REXO1: variants seen among roughly 807,000 people sequenced by gnomAD.
The protein encoded by REXO1 is REX1, RNA exonuclease 1 homolog.
REXO1 carries 42 observed loss-of-function variants against 102.6 expected under a neutral mutation model. The ratio of observed to expected loss-of-function variants is 0.41; its 90% CI spans 0.32 to 0.53. The LOEUF is 0.53. REXO1 is among the 20% of genes least tolerant of loss of function. The probability of loss-of-function intolerance (pLI) is 0.27; values close to 1 mark genes in which losing one functional copy is unlikely to be tolerated. For synonymous variants in REXO1, 908 were observed against 779.1 expected, an observed-to-expected ratio of 1.17 and a Z score of -2.76; for missense variants, 1,819 against 1,732.5, an observed-to-expected ratio of 1.05 and a Z score of -0.89.
chr19:1,838,273 C>T lies in REXO1; in HGVS notation c.158-9642G>A, dbSNP rs146843095. 7.1e-3 allele frequency among the ~76,000 whole-genome samples: 1,058 copies of T among 148,232 alleles called. 14 individuals carry two copies. Among genetic ancestry groups the T allele is most frequent in the African/African-American group, 0.025 (979 of 39,910 alleles). On this transcript the variant is annotated intron_variant, in intron 1 of 15. Transcript: ENST00000170168. The stretch of plus-strand genomic sequence containing the variant: ...TGGAGTCTGCAGTGAGCTGAGATGG[C>T]GCCACCGCACTCCAGCCTGGGCAAC...
At position 1,827,060 on chromosome 19, in the gene REXO1, A is replaced by T; in HGVS notation, c.1729T>A (p.Ser577Thr). ...GAGGAGGAGGAGGATGGGGCGGGGG[A>T]GGGGGGCGGGGAGGCCTTGAGCCGC... ...PKRLKASPPP[S>T]PAPSSSSSSS... Residue 577 changes from serine (S) to threonine (T), a missense_variant, in exon 2 of 16, where the codon TCC (serine) becomes ACC (threonine). Physicochemically the swap from Ser to Thr is moderately conservative, Grantham distance 58. Coordinates refer to ENST00000170168, the MANE Select transcript of REXO1 (RefSeq NM_020695.4). The T allele has an allele frequency of 3.5e-6, 2 of 577,200 alleles. No individual in the cohort carries two copies. Among genetic ancestry groups the T allele is most frequent in the South Asian group, 1.9e-5 (1 of 52,434 alleles). 35.8% of individuals were successfully genotyped at this position (577,200 alleles called of 1,614,324 possible). A position where few individuals can be genotyped will look rare whatever the true frequency, so the allele number is the denominator to read the frequency against.
At chr19:1,845,303 C>T (rs1263101151) in intron 1 of REXO1, among the ~76,000 whole-genome samples, 3 of 152,180 alleles carry the variant, frequency 2.0e-5, no homozygotes, top group Non-Finnish European at 2.9e-5. Context: ...CAGGGCTACA[C>T]GGTGCCCGCC....
In REXO1 at chr19:1,826,802, T is replaced by A; in HGVS notation, c.1911+76A>T. 1 of 1,523,422 alleles carries A rather than the reference T, an allele frequency of 6.6e-7. No homozygotes were observed. The highest frequency in any genetic ancestry group is 2.5e-5 in the East Asian group (1 of 40,540). 94.4% of individuals were successfully genotyped at this position (1,523,422 alleles called of 1,614,324 possible). On this transcript the variant is annotated intron_variant, in intron 2 of 15. Coordinates refer to ENST00000170168, the MANE Select transcript of REXO1 (RefSeq NM_020695.4). The surrounding 1 kb of genome is among the most constrained non-coding windows in gnomAD (Gnocchi z 4.3). ...TGCCTCCGAGCCAACTGGAAACCAC[T>A]CCAGATAGAAGGTCTCTCACCAGGC...
At position 1,823,575 on chromosome 19, in the gene REXO1, C is replaced by A. The variant is rs2069614755; in HGVS notation, c.2227G>T (p.Ala743Ser). Reference sequence around the variant, plus strand: ...GGCCCCCTGGGCCAGGACTCACCTGCAGCCAGGCGGGGGTTGGGGATGTGG... The same window carrying A: ...GGCCCCCTGGGCCAGGACTCACCTGAAGCCAGGCGGGGGTTGGGGATGTGG... ...IAHIPNPRLA[A>S]APTGAKRTLA... is the part of the protein sequence containing the mutation. Residue 743 changes from alanine (A) to serine (S), a missense_variant, in exon 4 of 16, where the codon GCA (alanine) becomes TCA (serine). By Grantham distance (99) the Ala-to-Ser change is moderately conservative. Transcript: ENST00000170168. 21 of 1,309,214 alleles carry A rather than the reference C, an allele frequency of 1.6e-5. No individual in the cohort carries two copies. The highest frequency in any genetic ancestry group is 3.1e-5 in the African/African-American group (2 of 65,466). 81.1% of individuals were successfully genotyped at this position (1,309,214 alleles called of 1,614,324 possible).
At chr19:1,844,056 G>C (rs1425807129) in intron 1 of REXO1, among the ~76,000 whole-genome samples, 1 of 152,244 alleles carries the variant, frequency 6.6e-6, no homozygotes, top group African/African-American at 2.4e-5. Flanking sequence ...GCAGGGGTAT[G>C]GGAGGCTGTC....
Position 1,827,044 on chromosome 19 carries a change from G to A in REXO1, c.1745C>T (p.Ser582Phe), listed in dbSNP as rs1466447662. 1.8e-5 allele frequency: 19 copies of A among 1,028,358 alleles called. No individual in the cohort carries two copies. Among genetic ancestry groups the A allele is most frequent in the Non-Finnish European group, 2.8e-5 (19 of 675,698 alleles). 63.7% of individuals were successfully genotyped at this position (1,028,358 alleles called of 1,614,324 possible). ...ASPPPSPAPSSSSSSSSSTSS... is the reference protein window; with the variant it reads ...ASPPPSPAPSFSSSSSSSTSS... The stretch of plus-strand genomic sequence containing the variant: ...GGTGGAGGAGGAGGAGGAGGAGGAG[G>A]AGGATGGGGCGGGGGAGGGGGGCGG... The change falls in exon 2 of 16, where the codon TCC becomes TTC. Residue 582 changes from serine to phenylalanine, a missense_variant. Transcript: ENST00000170168.
At position 1,819,113 on chromosome 19, in the gene REXO1, A is replaced by G. The variant is rs181549336; in HGVS notation, c.2669T>C (p.Val890Ala). ...PGLSKTSGRRVVSHEVVLGGR... is the reference protein window; with the variant it reads ...PGLSKTSGRRAVSHEVVLGGR... ...CCCCAACACCACCTCGTGGGACACA[A>G]CCCTGCGGCCACTGGTTTCTGGAAG... The change falls in exon 8 of 16, where the codon GTT (valine) becomes GCT (alanine). Residue 890 changes from valine to alanine, a missense_variant. Physicochemically the swap from Val to Ala is moderately conservative, Grantham distance 64 (BLOSUM62 0). Coordinates refer to ENST00000170168, the MANE Select transcript of REXO1 (RefSeq NM_020695.4). The G allele has an allele frequency of 1.1e-3, 1,766 of 1,578,436 alleles. 35 individuals carry two copies. In the East Asian group the frequency reaches 0.032, roughly 29 times the overall value.
rs2069721262 is a variant in REXO1 at position 1,826,392 on chromosome 19, G to C, written c.1912-449C>G. On this transcript the variant is annotated intron_variant, in intron 2 of 15. Transcript: ENST00000170168. This position sits in a 1 kb window ranked among gnomAD's most constrained non-coding sequence, Gnocchi z 4.3. ...CTCGCCACGCTGGGAGTAGGGAGGA[G>C]GGAGGGGAGGAGAAAGGAGCCGGAG... 6.6e-6 allele frequency among the ~76,000 whole-genome samples: 1 copy of C among 151,716 alleles called. No homozygotes were observed. Among genetic ancestry groups the C allele is most frequent in the Middle Eastern group, 3.2e-3 (1 of 316 alleles).
intron 1 of REXO1, among the ~76,000 whole-genome samples, chr19:1,831,121 T>A (rs1178271108): frequency 6.6e-6 from 1 of 152,186 alleles, no homozygotes; most frequent in Non-Finnish European, 1.5e-5. Context: ...AAATGCAATC[T>A]GGCCTTCATT....
chr19:1,833,214 G>C (rs2069952222), intron 1 of REXO1, among the ~76,000 whole-genome samples: 1 of 152,180 alleles, frequency 6.6e-6, no homozygotes, highest in Non-Finnish European at 1.5e-5. Context: ...AACAGAGCAA[G>C]ATCCTGTCTC....
intron 10 of REXO1, 69 bp from the exon 11 acceptor site, chr19:1,817,849 A>G (rs1600513085): frequency 8.0e-7 from 1 of 1,248,396 alleles, no homozygotes; most frequent in Middle Eastern, 2.4e-4. Context: ...GGCACTGACC[A>G]CCTGCATCTA....
intron 1 of REXO1, among the ~76,000 whole-genome samples, chr19:1,830,478 T>A (rs2069872578): frequency 6.6e-6 from 1 of 152,250 alleles, no homozygotes; most frequent in African/African-American, 2.4e-5. Context: ...CTCTGCACTC[T>A]GGCCTGGACA....
At chr19:1,843,623 C>T (rs1489060677) in intron 1 of REXO1, among the ~76,000 whole-genome samples, 1 of 152,198 alleles carries the variant, frequency 6.6e-6, no homozygotes, top group Admixed American at 6.5e-5. Flanking sequence ...GGTAAAATCA[C>T]CCCCGGGTCC....
chr19:1,848,327 A>G lies in REXO1; in HGVS notation c.32T>C (p.Ile11Thr), dbSNP rs1421938891. The G allele has an allele frequency of 1.2e-5, 15 of 1,224,658 alleles. No individual in the cohort carries two copies. The highest frequency in any genetic ancestry group is 4.3e-5 in the Admixed American group (1 of 23,000). 75.9% of individuals were successfully genotyped at this position (1,224,658 alleles called of 1,614,324 possible). A position where few individuals can be genotyped will look rare whatever the true frequency, so the allele number is the denominator to read the frequency against. Residue 11 changes from isoleucine to threonine, a missense_variant, in exon 1 of 16, where the codon ATT becomes ACT. Ile to Thr is a moderately conservative substitution (Grantham distance 89). Coordinates refer to ENST00000170168, the MANE Select transcript of REXO1 (RefSeq NM_020695.4). ...CGCCCCAGACCAATAGGGGCAGTCA[A>G]TGGCCCGGAAGAAGCCAGTGGAGCG... MLRSTGFFRA[I>T]DCPYWSGAPG...
At position 1,816,134 on chromosome 19, in the gene REXO1, C is replaced by T. The variant is rs2069354457; in HGVS notation, c.3598G>A (p.Glu1200Lys). 2 of 1,550,530 alleles carry T rather than the reference C, an allele frequency of 1.3e-6. No homozygotes were observed. The highest frequency in any genetic ancestry group is 8.7e-7 in the Non-Finnish European group (1 of 1,146,546). ...AGGTGCATGCAGGCGCCGGCGTCCT[C>T]GCTGGAGCTGTGCCCATCCACTGCG... ...QDNVDGHSSSEDAGACMHLVI... is the reference protein window; with the variant it reads ...QDNVDGHSSSKDAGACMHLVI... Residue 1200 changes from glutamate (E) to lysine (K), a missense_variant, in exon 16 of 16, where the codon GAG (glutamate) becomes AAG (lysine). Physicochemically the swap from Glu to Lys is moderately conservative, Grantham distance 56. Coordinates refer to ENST00000170168, the MANE Select transcript of REXO1 (RefSeq NM_020695.4).
rs552934195 is a variant in REXO1 at position 1,837,369 on chromosome 19, G to T, written c.158-8738C>A. Among the ~76,000 whole-genome samples, 11 of 152,328 alleles carry T rather than the reference G, an allele frequency of 7.2e-5. No individual in the cohort carries two copies. In the South Asian group the frequency reaches 2.1e-3, roughly 29 times the overall value. ...CATGCGGGCGCCCGGGGCCCTCCAT[G>T]CACAGCCCACTGGACAGATAGGAAC... On this transcript the variant is annotated intron_variant, in intron 1 of 15. Coordinates refer to ENST00000170168, the MANE Select transcript of REXO1 (RefSeq NM_020695.4).
chr19:1,841,914 G>C lies in REXO1; in HGVS notation c.157+6288C>G, dbSNP rs61658115. On this transcript the variant is annotated intron_variant, in intron 1 of 15. Transcript: ENST00000170168. ...GAGCGCCAGCTCAGCCATCCCTCTC[G>C]AAAACACAAAAACAGGCCCAGCACA... Among the ~76,000 whole-genome samples the C allele has an allele frequency of 7.0e-3, 1,058 of 152,150 alleles. 13 individuals carry two copies. Among genetic ancestry groups the C allele is most frequent in the African/African-American group, 0.024 (1,006 of 41,508 alleles).
In REXO1 at chr19:1,826,735, A is replaced by C. The variant is rs965552287; in HGVS notation, c.1911+143T>G. The C allele has an allele frequency of 8.0e-6, 11 of 1,378,552 alleles. No individual in the cohort carries two copies. The highest frequency in any genetic ancestry group is 1.0e-5 in the Non-Finnish European group (11 of 1,048,794). 85.4% of individuals were successfully genotyped at this position (1,378,552 alleles called of 1,614,324 possible). ...GGTGCTCCTGAGCTCCTGAGATTTC[A>C]ACGGGCTCAGGGACCAGCACTGAGG... On this transcript the variant is annotated intron_variant, in intron 2 of 15. Coordinates refer to ENST00000170168, the MANE Select transcript of REXO1 (RefSeq NM_020695.4). This position sits in a 1 kb window ranked among gnomAD's most constrained non-coding sequence, Gnocchi z 4.3.
At chr19:1,822,258 C>A in intron 4 of REXO1, 2 of 198,414 alleles carry the variant, frequency 1.0e-5, no homozygotes, top group Admixed American at 6.1e-5. Context: ...GGACATCTGG[C>A]CCTAGTCTCA....
Sources: allele counts gnomAD v4.1 joint callset (sites outside exome capture counted in the v4.1 genomes callset), GRCh38; gene constraint gnomAD v4.1.1; non-coding constraint Gnocchi (gnomAD v3.1); transcripts MANE v1.5; gene names NCBI Gene and HGNC (gene_info 2026-07-23, HGNC 2026-07-21).